Variants in FAM193A observed in about 807,000 individuals in gnomAD.
The protein encoded by FAM193A is family with sequence similarity 193 member A, also known as protein FAM193A.
In FAM193A, 22 loss-of-function variants were observed where a neutral mutation model predicts 126.5. The ratio of observed to expected loss-of-function variants is 0.17; its 90% confidence interval spans 0.12 to 0.25. The LOEUF is 0.25. FAM193A is among the 10% of genes least tolerant of loss of function. The pLI, the probability that FAM193A is intolerant of heterozygous loss-of-function variation, is 1.00. For missense variants in FAM193A, 1,675 were observed against 1,672.8 expected, an observed-to-expected ratio of 1.00 and a Z score of -0.02; for synonymous variants, 761 against 646.8, an observed-to-expected ratio of 1.18 and a Z score of -2.68.
In FAM193A at chr4:2,699,556, T is replaced by C; in HGVS notation, c.3508-124T>C. On this transcript the variant is annotated intron_variant, in intron 18 of 20. Transcript: ENST00000637812. ...TGGGTGTGTGTTAAGTTTTGATTTA[T>C]TACAGCCTCTTCAGAGTTTATGTTC... The C allele has an allele frequency of 2.2e-6, 2 of 905,920 alleles. 1 individual carries two copies. The highest frequency in any genetic ancestry group is 3.6e-5 in the South Asian group (2 of 55,520). 56.1% of individuals were successfully genotyped at this position (905,920 alleles called of 1,614,324 possible). A position where few individuals can be genotyped will look rare whatever the true frequency, so the allele number is the denominator to read the frequency against.
intron 1 of FAM193A, among the ~76,000 whole-genome samples, chr4:2,557,610 G>T (rs987655393): frequency 1.3e-5 from 2 of 152,066 alleles, no homozygotes; most frequent in African/African-American, 4.8e-5. Flanking sequence ...TTAATATTCA[G>T]ATTTATAGTA....
intron 19 of FAM193A, among the ~76,000 whole-genome samples, chr4:2,704,800 A>G (rs1255451115): frequency 3.9e-5 from 6 of 152,106 alleles, no homozygotes; most frequent in African/African-American, 1.2e-4. Flanking sequence ...TCTAATTACA[A>G]TGAGGTCAAT....
In FAM193A at chr4:2,558,743, G is replaced by C. The variant is rs369484121; in HGVS notation, c.255+21573G>C. Reference sequence around the variant, plus strand: ...AGGCTGGGTGCAGTGGCTCACGCCTGTAATCCCAGCACTTCGTGAGGCCGA... The same window carrying C: ...AGGCTGGGTGCAGTGGCTCACGCCTCTAATCCCAGCACTTCGTGAGGCCGA... On this transcript the variant is annotated intron_variant, in intron 1 of 20. Transcript: ENST00000637812. 6.6e-5 allele frequency among the ~76,000 whole-genome samples: 10 copies of C among 152,300 alleles called. No homozygotes were observed. In the East Asian group the frequency reaches 1.9e-3, roughly 29 times the overall value.
chr4:2,632,596 G>A (rs1046334167), intron 5 of FAM193A, among the ~76,000 whole-genome samples: 8 of 151,308 alleles, frequency 5.3e-5, no homozygotes, highest in African/African-American at 1.9e-4. Context: ...CATTTCAGGG[G>A]GTTCACAGAC....
intron 19 of FAM193A, chr4:2,708,313 T>C: frequency 3.2e-6 from 1 of 308,728 alleles, no homozygotes. Context: ...TTAGTAGAGA[T>C]AGAGTTTCAC....
At chr4:2,703,642 T>C (rs1717983283) in intron 19 of FAM193A, among the ~76,000 whole-genome samples, 1 of 152,142 alleles carries the variant, frequency 6.6e-6, no homozygotes, top group Non-Finnish European at 1.5e-5. Context: ...CTTGGAGCAC[T>C]TTCCCAGAAG....
At chr4:2,697,115 G>A (rs942601163) in intron 18 of FAM193A, among the ~76,000 whole-genome samples, 11 of 152,138 alleles carry the variant, frequency 7.2e-5, no homozygotes, top group African/African-American at 2.7e-4. Context: ...TAGAGGGGAG[G>A]AAAATAAGTC....
intron 12 of FAM193A, among the ~76,000 whole-genome samples, chr4:2,667,203 C>T (rs1002293885): frequency 1.3e-5 from 2 of 152,192 alleles, no homozygotes; most frequent in African/African-American, 4.8e-5. Flanking sequence ...TTCTTCAAGT[C>T]TTCTGTATTG....
intron 18 of FAM193A, among the ~76,000 whole-genome samples, chr4:2,699,049 C>T (rs1415307590): frequency 6.6e-6 from 1 of 152,124 alleles, no homozygotes; most frequent in Admixed American, 6.6e-5. Context: ...AGTCGTGCGC[C>T]CTCACATCCA....
At chr4:2,652,035 A>G (rs548164325) in intron 7 of FAM193A, among the ~76,000 whole-genome samples, 17 of 152,326 alleles carry the variant, frequency 1.1e-4, no homozygotes, top group Non-Finnish European at 4.4e-5. Flanking sequence ...CTAGGTGACC[A>G]TGAGGTCTCA....
At chr4:2,564,568 C>CT (rs1023466149) in intron 1 of FAM193A, among the ~76,000 whole-genome samples, 4 of 152,070 alleles carry the variant, frequency 2.6e-5, no homozygotes, top group Admixed American at 2.0e-4. Context: ...TATTTTCGAA[C>CT]TTTTTTGTAC....
intron 20 of FAM193A, among the ~76,000 whole-genome samples, chr4:2,720,630 A>G (rs1313590693): frequency 6.6e-6 from 1 of 151,170 alleles, no homozygotes; most frequent in Non-Finnish European, 1.5e-5. Flanking sequence ...CAGCTTGGGC[A>G]ACAGTGAGAC....
chr4:2,696,266 C>T (rs943999595), intron 17 of FAM193A, 97 bp from the exon 18 acceptor site: 3 of 774,920 alleles, frequency 3.9e-6, no homozygotes. Context: ...ATATATACTA[C>T]TTGAGTAATA....
At chr4:2,674,920 G>A (rs1226425491) in intron 13 of FAM193A, among the ~76,000 whole-genome samples, 5 of 151,796 alleles carry the variant, frequency 3.3e-5, no homozygotes, top group South Asian at 2.1e-4. Context: ...GTGACATACC[G>A]AATTTATATA....
chr4:2,721,312 CAAAAAAAAAAAAAAAAAA>C (rs56875674), intron 20 of FAM193A, among the ~76,000 whole-genome samples: 1 of 70,012 alleles, frequency 1.4e-5, no homozygotes, highest in Non-Finnish European at 2.6e-5. Flanking sequence ...GACTCCGTCT[CAAAAAAAAAAAAAAAAAA>C]AAAAAAAAAA....
intron 13 of FAM193A, among the ~76,000 whole-genome samples, chr4:2,689,137 T>C (rs1296746321): frequency 2.0e-5 from 3 of 152,258 alleles, no homozygotes; most frequent in Non-Finnish European, 4.4e-5. Flanking sequence ...AGTTGACTTA[T>C]TAGTGATGAT....
chr4:2,604,825 CCT>C (rs1183370268), intron 2 of FAM193A, among the ~76,000 whole-genome samples: 2 of 125,996 alleles, frequency 1.6e-5, no homozygotes, highest in East Asian at 2.3e-4. Context: ...GGTGGCAAGG[CCT>C]CTCTCTGTCA....
intron 5 of FAM193A, among the ~76,000 whole-genome samples, chr4:2,636,593 A>G (rs549715461): frequency 6.6e-6 from 1 of 152,336 alleles, no homozygotes; most frequent in East Asian, 1.9e-4. Context: ...GCAAATATTG[A>G]TTCACTGAGT....
chr4:2,665,773 C>A (rs1713041864), intron 12 of FAM193A, among the ~76,000 whole-genome samples: 1 of 152,214 alleles, frequency 6.6e-6, no homozygotes, highest in African/African-American at 2.4e-5. Flanking sequence ...GCCATCCTCC[C>A]ATTTCAGCCT....
Sources: gnomAD v4.1 joint callset for allele counts (sites outside exome capture counted in the v4.1 genomes callset) on GRCh38, gnomAD v4.1.1 for gene constraint, MANE v1.5 for transcripts, NCBI Gene and HGNC (gene_info 2026-07-23, HGNC 2026-07-21) for gene names.